The following COMMD10 variants were observed in gnomAD, a reference collection of about 807,000 sequenced individuals.
The protein encoded by COMMD10 is COMM domain-containing protein 10.
COMMD10 carries 33 observed loss-of-function variants against 28.9 expected under a neutral mutation model. That is an observed-to-expected ratio of 1.14 (90% confidence interval 0.87 to 1.53). COMMD10 has a LOEUF of 1.53. Ranked by LOEUF, COMMD10 falls within the 40% of genes most tolerant of loss-of-function variation. The pLI, the probability that COMMD10 is intolerant of heterozygous loss-of-function variation, is 0.00. For missense variants in COMMD10, 310 were observed against 233.4 expected, an observed-to-expected ratio of 1.33 and a Z score of -2.14; for synonymous variants, 110 against 81.7, an observed-to-expected ratio of 1.35 and a Z score of -1.87.
At chr5:116,174,951 T>A (rs970429048) in intron 5 of COMMD10, among the ~76,000 whole-genome samples, 4 of 152,182 alleles carry the variant, frequency 2.6e-5, no homozygotes, top group East Asian at 1.9e-4. Context: ...TTCGTTTTTT[T>A]AAATAATTGT....
rs116802236 is a variant in COMMD10, at chr5:116,112,547, C to A, written c.399+19847C>A. Among the ~76,000 whole-genome samples the A allele has an allele frequency of 8.6e-3, 1,314 of 152,140 alleles. 7 individuals carry two copies. The highest frequency in any genetic ancestry group is 0.016 in the Admixed American group (244 of 15,290). ...GAGTAGCTGTGACTGTATATAGGTG[C>A]GCGCCACCATGCACAGCTAATTTTT... On this transcript the variant is annotated intron_variant, in intron 4 of 6. Transcript: ENST00000274458.
intron 5 of COMMD10, among the ~76,000 whole-genome samples, chr5:116,162,801 G>T (rs932387795): frequency 4.6e-5 from 7 of 152,162 alleles, no homozygotes; most frequent in African/African-American, 1.7e-4. Context: ...TCAGTGTTGG[G>T]TTATCGCACA....
chr5:116,118,506 G>C (rs1289976480), intron 4 of COMMD10, among the ~76,000 whole-genome samples: 1 of 51,408 alleles, frequency 1.9e-5, no homozygotes, highest in Non-Finnish European at 4.7e-5. Flanking sequence ...CTTATGAAGA[G>C]GGATATTTTT....
At chr5:116,202,765 C>A (rs887648144) in intron 5 of COMMD10, among the ~76,000 whole-genome samples, 6 of 150,916 alleles carry the variant, frequency 4.0e-5, no homozygotes, top group Non-Finnish European at 8.9e-5. Flanking sequence ...TGTTTGAGTT[C>A]ATTGTAGATT....
intron 4 of COMMD10, among the ~76,000 whole-genome samples, chr5:116,127,033 A>G (rs1047296965): frequency 1.3e-5 from 2 of 152,234 alleles, no homozygotes; most frequent in African/African-American, 4.8e-5. Context: ...CCAACTGACA[A>G]AGGGCTAATA....
rs1278041932 is a variant in COMMD10 at position 116,191,165 on chromosome 5, G to A, written c.510+56987G>A. ...TGGAGCTCGCTGGATCCCCTAGCAG[G>A]CCATTCCTGCATGACACCACAGGGA... On this transcript the variant is annotated intron_variant, in intron 5 of 6. Transcript: ENST00000274458. 3.9e-5 allele frequency among the ~76,000 whole-genome samples: 6 copies of A among 152,102 alleles called. 1 individual carries two copies.
At chr5:116,185,194 A>C (rs1193131433) in intron 5 of COMMD10, among the ~76,000 whole-genome samples, 1 of 149,458 alleles carries the variant, frequency 6.7e-6, no homozygotes, top group Non-Finnish European at 1.5e-5. Flanking sequence ...ACAATGACCC[A>C]AACTACAATG....
At chr5:116,232,296 C>T (rs1056074213) in intron 5 of COMMD10, among the ~76,000 whole-genome samples, 3 of 151,730 alleles carry the variant, frequency 2.0e-5, no homozygotes, top group Non-Finnish European at 2.9e-5. Context: ...AAAGTGGGGG[C>T]CCAATAATGA....
intron 5 of COMMD10, among the ~76,000 whole-genome samples, chr5:116,203,111 C>T (rs1441893900): frequency 6.6e-6 from 1 of 151,972 alleles, no homozygotes; most frequent in Admixed American, 6.6e-5. Context: ...ATATGGCTAG[C>T]CAGTTTTCCC....
intron 5 of COMMD10, among the ~76,000 whole-genome samples, chr5:116,167,044 A>G (rs1172561741): frequency 1.3e-5 from 2 of 152,044 alleles, no homozygotes; most frequent in African/African-American, 4.8e-5. Flanking sequence ...GGTTATAACA[A>G]ACTTCTCCGA....
At chr5:116,217,974 C>A in intron 5 of COMMD10, 1 of 839,662 alleles carries the variant, frequency 1.2e-6, no homozygotes, top group South Asian at 1.4e-5. Context: ...AATAGTATTT[C>A]AAACTGTTCA....
Position 116,265,987 on chromosome 5 carries a change from A to C in COMMD10, c.511-25530A>C, listed in dbSNP as rs1020763850. 2.6e-5 allele frequency among the ~76,000 whole-genome samples: 4 copies of C among 151,848 alleles called. 1 individual carries two copies. Among genetic ancestry groups the C allele is most frequent in the African/African-American group, 9.7e-5 (4 of 41,164 alleles). ...TAAGTCAGTATGTGTTAGGTGCTGC[A>C]TTACTGGCTCAAATATGGAAGACAT... is the stretch of plus-strand genomic sequence containing the variant. On this transcript the variant is annotated intron_variant, in intron 5 of 6. Coordinates refer to ENST00000274458, the MANE Select transcript of COMMD10 (RefSeq NM_016144.4).
intron 5 of COMMD10, among the ~76,000 whole-genome samples, chr5:116,246,058 G>A (rs1376578475): frequency 6.6e-5 from 10 of 152,172 alleles, no homozygotes; most frequent in Non-Finnish European, 1.5e-4. Flanking sequence ...CCTGTTTGCA[G>A]ATGAAATGAT....
intron 5 of COMMD10, among the ~76,000 whole-genome samples, chr5:116,165,634 A>G (rs559181936): frequency 3.3e-4 from 50 of 150,772 alleles, no homozygotes; most frequent in South Asian, 8.3e-4. Context: ...GTTTGTGCGC[A>G]CACACACGCG....
At chr5:116,281,724 T>C (rs1299664585) in intron 5 of COMMD10, among the ~76,000 whole-genome samples, 3 of 151,924 alleles carry the variant, frequency 2.0e-5, no homozygotes, top group Non-Finnish European at 1.5e-5. Flanking sequence ...TTGTATTGCC[T>C]GTATACTCGT....
At chr5:116,169,665 G>GATGCAAGGCTGGTTCAACAT (rs1455819308) in intron 5 of COMMD10, among the ~76,000 whole-genome samples, 2 of 152,162 alleles carry the variant, frequency 1.3e-5, no homozygotes, top group East Asian at 3.9e-4. Context: ...TCATCCCTGG[G>GATGCAAGGCTGGTTCAACAT]ATGCAAGGCT....
chr5:116,236,763 C>T (rs1460999854), intron 5 of COMMD10, among the ~76,000 whole-genome samples: 1 of 152,078 alleles, frequency 6.6e-6, no homozygotes, highest in Non-Finnish European at 1.5e-5. Flanking sequence ...TTTATTCAAA[C>T]TCACAGAATT....
intron 4 of COMMD10, among the ~76,000 whole-genome samples, chr5:116,125,717 A>G (rs1751605578): frequency 6.6e-6 from 1 of 152,104 alleles, no homozygotes; most frequent in Non-Finnish European, 1.5e-5. Flanking sequence ...CTTTTCACAT[A>G]GTCCCATATT....
intron 5 of COMMD10, among the ~76,000 whole-genome samples, chr5:116,193,260 C>G (rs1287070293): frequency 3.0e-4 from 45 of 151,974 alleles, no homozygotes; most frequent in Admixed American, 3.0e-3. Context: ...CCTTAAAAAG[C>G]AAAAACAAAG....
Sources: gnomAD v4.1 joint callset for allele counts (sites outside exome capture counted in the v4.1 genomes callset) on GRCh38, gnomAD v4.1.1 for gene constraint, MANE v1.5 for transcripts, NCBI Gene and HGNC (gene_info 2026-07-23, HGNC 2026-07-21) for gene names.